Variants in NIM1K observed in about 807,000 individuals in gnomAD.
NIM1K encodes serine/threonine-protein kinase NIM1.
NIM1K carries 35 observed loss-of-function variants against 37.1 expected under a neutral mutation model. The ratio of observed to expected loss-of-function variants is 0.94; its 90% confidence interval spans 0.72 to 1.25. NIM1K has a LOEUF of 1.25. Among genes scored for constraint, NIM1K ranks in the 50% most tolerant of loss-of-function variants. The pLI, the probability that NIM1K is intolerant of heterozygous loss-of-function variation, is 0.00. For synonymous variants in NIM1K, 234 were observed against 206.6 expected (o/e 1.13, Z -1.14); for missense variants, 564 against 548.0 (o/e 1.03, Z -0.29).
At chr5:43,204,081 G>GT (rs70994605) in intron 1 of NIM1K, among the ~76,000 whole-genome samples, 62,409 of 85,100 alleles carry the variant, frequency 0.73, 25,574 homozygotes, top group East Asian at 0.82. Flanking sequence ...AGTTCCAATG[G>GT]TTTTTTTTTT....
chr5:43,213,935 C>CTCTTTCTTTCTT (rs70994609), intron 1 of NIM1K, among the ~76,000 whole-genome samples: 1 of 149,628 alleles, frequency 6.7e-6, no homozygotes, highest in Non-Finnish European at 1.5e-5. Flanking sequence ...AGCTCTTTCT[C>CTCTTTCTTTCTT]TCTTTCTTTC....
intron 1 of NIM1K, chr5:43,207,701 A>G: frequency 1.9e-6 from 1 of 514,574 alleles, no homozygotes; most frequent in South Asian, 1.7e-5. Flanking sequence ...TTCATAGAAC[A>G]GTTGCTCTAT....
At chr5:43,266,078 T>G (rs899164786) in intron 2 of NIM1K, among the ~76,000 whole-genome samples, 1 of 152,222 alleles carries the variant, frequency 6.6e-6, no homozygotes, top group African/African-American at 2.4e-5. Flanking sequence ...AGGGACCCAC[T>G]TGAGGAGGAA....
intron 2 of NIM1K, among the ~76,000 whole-genome samples, chr5:43,267,504 T>C (rs918776809): frequency 6.6e-6 from 1 of 152,192 alleles, no homozygotes; most frequent in African/African-American, 2.4e-5. Flanking sequence ...TTTGGGTTCC[T>C]TTGTTCCTGT....
chr5:43,266,710 C>T (rs1753168276), intron 2 of NIM1K, among the ~76,000 whole-genome samples: 1 of 152,214 alleles, frequency 6.6e-6, no homozygotes, highest in Non-Finnish European at 1.5e-5. Context: ...ATGCTGGGAG[C>T]TGTAGACTGG....
Position 43,245,594 on chromosome 5 carries a change from G to C in NIM1K, c.-182G>C. The C allele has an allele frequency of 1.8e-6, 1 of 568,184 alleles. No homozygotes were observed. Among genetic ancestry groups the C allele is most frequent in the Non-Finnish European group, 3.0e-6 (1 of 328,776 alleles). The allele number at this position is 568,184 out of a possible 1,614,324, so 35.2% of individuals were successfully genotyped here. On this transcript the variant is annotated 5_prime_UTR_variant, in exon 2 of 4. Transcript: ENST00000326035. ...CTCCTGGCTGGGCTGGGCAGACTCA[G>C]CTACCACGTTCACTGCCTTCCTCTC...
intron 1 of NIM1K, chr5:43,207,904 T>G (rs1266800880): frequency 3.0e-6 from 1 of 337,980 alleles, no homozygotes; most frequent in East Asian, 1.3e-4. Flanking sequence ...CAATTGATTG[T>G]GAATTCCTCA....
intron 2 of NIM1K, among the ~76,000 whole-genome samples, chr5:43,269,287 C>G (rs1579611256): frequency 1.1e-5 from 1 of 91,354 alleles, no homozygotes; most frequent in Admixed American, 1.8e-4. Flanking sequence ...CCAGCCTGGG[C>G]AACAAAGTGA....
intron 2 of NIM1K, 144 bp downstream of exon 2, chr5:43,246,211 T>C: frequency 1.6e-6 from 1 of 613,134 alleles, no homozygotes; most frequent in South Asian, 2.5e-5. Flanking sequence ...AGCCGCCTTC[T>C]GTGGTCTTCT....
chr5:43,234,915 A>G (rs891824151), intron 1 of NIM1K, among the ~76,000 whole-genome samples: 10 of 152,170 alleles, frequency 6.6e-5, no homozygotes, highest in African/African-American at 2.4e-4. Flanking sequence ...GATTATGGGC[A>G]TGAGCCACCA....
intron 1 of NIM1K, among the ~76,000 whole-genome samples, chr5:43,241,426 G>A (rs528964136): frequency 4.6e-5 from 7 of 150,796 alleles, no homozygotes; most frequent in East Asian, 1.9e-4. Flanking sequence ...TCTCGCCTCC[G>A]CCTCCTGGGT....
chr5:43,235,836 C>T (rs1247522616), intron 1 of NIM1K, among the ~76,000 whole-genome samples: 1 of 151,680 alleles, frequency 6.6e-6, no homozygotes, highest in Non-Finnish European at 1.5e-5. Context: ...TGAACTATTC[C>T]CTCCCCATCT....
At chr5:43,247,937 A>G (rs188126744) in intron 2 of NIM1K, among the ~76,000 whole-genome samples, 3 of 152,394 alleles carry the variant, frequency 2.0e-5, no homozygotes, top group Non-Finnish European at 1.5e-5. Flanking sequence ...TATAAAGATG[A>G]AATAGATACA....
Position 43,199,204 on chromosome 5 carries a change from AATATAT to A in NIM1K, c.-695+6822_-695+6827del, listed in dbSNP as rs1162677436. On this transcript the variant is annotated intron_variant, in intron 1 of 3. Coordinates refer to ENST00000326035, the MANE Select transcript of NIM1K (RefSeq NM_153361.4). ...GCTCTGTCTCCAAAAAAAAAAAAAAAATATATATATATATATATATATATATATATA... is the reference window on the plus strand; with the variant it reads ...GCTCTGTCTCCAAAAAAAAAAAAAAAATATATATATATATATATATATATA... Among the ~76,000 whole-genome samples the A allele has an allele frequency of 1.3e-4, 12 of 94,058 alleles. No individual in the cohort carries two copies. In the East Asian group the frequency reaches 2.5e-3, roughly 20 times the overall value. The allele number at this position is 94,058 out of a possible 152,430, so 61.7% of individuals were successfully genotyped here. A position where few individuals can be genotyped will look rare whatever the true frequency, so the allele number is the denominator to read the frequency against.
intron 1 of NIM1K, among the ~76,000 whole-genome samples, chr5:43,237,381 A>G (rs1752637027): frequency 6.6e-6 from 1 of 152,260 alleles, no homozygotes; most frequent in Non-Finnish European, 1.5e-5. Context: ...TACCTGCTCC[A>G]GAGGCTTTGA....
chr5:43,257,596 C>A (rs535931642), intron 2 of NIM1K, among the ~76,000 whole-genome samples: 1 of 151,936 alleles, frequency 6.6e-6, no homozygotes, highest in South Asian at 2.1e-4. Flanking sequence ...CATCATCCAC[C>A]CGCCCTGGCC....
intron 2 of NIM1K, among the ~76,000 whole-genome samples, chr5:43,253,663 G>T (rs1752901095): frequency 6.9e-6 from 1 of 143,898 alleles, no homozygotes; most frequent in South Asian, 2.2e-4. Flanking sequence ...CTACTGAAGA[G>T]TTTTTTTTTT....
intron 2 of NIM1K, among the ~76,000 whole-genome samples, chr5:43,252,319 C>T (rs1486867934): frequency 6.6e-6 from 1 of 152,106 alleles, no homozygotes; most frequent in African/African-American, 2.4e-5. Flanking sequence ...TTATACCTAA[C>T]CTGCTACAAA....
intron 1 of NIM1K, among the ~76,000 whole-genome samples, chr5:43,194,290 C>G: frequency 6.6e-6 from 1 of 152,182 alleles, no homozygotes; most frequent in East Asian, 1.9e-4. Flanking sequence ...GGGGAAAAAG[C>G]TGAATCCAAC....
Sources: gnomAD v4.1 joint callset for allele counts (sites outside exome capture counted in the v4.1 genomes callset) on GRCh38, gnomAD v4.1.1 for gene constraint, MANE v1.5 for transcripts, NCBI Gene and HGNC (gene_info 2026-07-23, HGNC 2026-07-21) for gene names.